SCNN1B: variants seen among roughly 807,000 people sequenced by gnomAD.
SCNN1B encodes sodium channel epithelial 1 subunit beta, also known as epithelial sodium channel subunit beta.
In SCNN1B, 46 loss-of-function variants were observed where a neutral mutation model predicts 65.3. That is an observed-to-expected ratio of 0.70 (90% confidence interval 0.56 to 0.90). The LOEUF (loss-of-function observed/expected upper bound fraction) is 0.90. Ranked by LOEUF, SCNN1B falls within the 40% of genes least tolerant of loss-of-function variation. The probability of loss-of-function intolerance (pLI) is 0.00; values close to 1 mark genes in which losing one functional copy is unlikely to be tolerated. For synonymous variants in SCNN1B, 349 were observed against 330.6 expected (o/e 1.06, Z -0.60); for missense variants, 751 against 830.5 (o/e 0.90, Z 1.18).
intron 2 of SCNN1B, among the ~76,000 whole-genome samples, chr16:23,349,779 TTCA>T (rs1962269734): frequency 6.6e-6 from 1 of 152,136 alleles, no homozygotes; most frequent in South Asian, 2.1e-4. Flanking sequence ...AAATATCGAA[TTCA>T]TCATCATTAT....
intron 1 of SCNN1B, among the ~76,000 whole-genome samples, chr16:23,328,008 C>T (rs1961732427): frequency 6.6e-6 from 1 of 152,188 alleles, no homozygotes; most frequent in Non-Finnish European, 1.5e-5. Context: ...GTGGAGAAAC[C>T]CACAGAACAA....
intron 1 of SCNN1B, among the ~76,000 whole-genome samples, chr16:23,323,051 C>T (rs989631496): frequency 2.6e-5 from 4 of 151,776 alleles, no homozygotes; most frequent in Admixed American, 1.3e-4. Flanking sequence ...AAAATTAGCT[C>T]GGCATCACCA....
rs139002320 is a variant in SCNN1B, at chr16:23,360,758, G to A, written c.776+5269G>A. ...TGACAGGCATGCACCACCACACCTG[G>A]CTAATTTTTGGTTTTTGGTTTTTGG... On this transcript the variant is annotated intron_variant, in intron 4 of 12. Coordinates refer to ENST00000343070, the MANE Select transcript of SCNN1B (RefSeq NM_000336.3). Among the ~76,000 whole-genome samples the A allele has an allele frequency of 4.1e-3, 625 of 151,730 alleles. 8 individuals are homozygous for A. Among genetic ancestry groups the A allele is most frequent in the African/African-American group, 0.015 (601 of 41,372 alleles).
intron 1 of SCNN1B, among the ~76,000 whole-genome samples, chr16:23,307,094 A>T (rs1461032533): frequency 6.6e-6 from 1 of 152,136 alleles, no homozygotes. Flanking sequence ...TTGGACACCA[A>T]ATCTGTCTGA....
chr16:23,380,614 C>T lies in SCNN1B; in HGVS notation c.1736C>T (p.Ala579Val). 6.2e-7 allele frequency: 1 copy of T among 1,613,896 alleles called. No individual in the cohort carries two copies. The highest frequency in any genetic ancestry group is 8.5e-7 in the Non-Finnish European group (1 of 1,179,924). The change falls in exon 13 of 13, where the codon GCC (alanine) becomes GTC (valine). Residue 579 changes from alanine (A) to valine (V), a missense_variant. Coordinates refer to ENST00000343070, the MANE Select transcript of SCNN1B (RefSeq NM_000336.3). This position sits in a 1 kb window ranked among gnomAD's most constrained non-coding sequence, Gnocchi z 5.4. ...TACGCTGGCCCACCGCCCACCGTGG[C>T]CGAGCTGGTGGAGGCCCACACCAAC... is the stretch of plus-strand genomic sequence containing the variant. ...ASYAGPPPTV[A>V]ELVEAHTNFG...
chr16:23,347,006 A>G (rs1403113856), intron 1 of SCNN1B, among the ~76,000 whole-genome samples: 1 of 152,164 alleles, frequency 6.6e-6, no homozygotes, highest in Non-Finnish European at 1.5e-5. Flanking sequence ...CTGAGAGTCA[A>G]AGCCAGAAAT....
intron 10 of SCNN1B, among the ~76,000 whole-genome samples, chr16:23,377,756 T>C (rs1962943430): frequency 9.9e-6 from 1 of 100,548 alleles, no homozygotes; most frequent in African/African-American, 3.5e-5. Flanking sequence ...CCTTCTTTCT[T>C]TCCTTCCTTC....
chr16:23,325,656 G>A (rs1395493722), intron 1 of SCNN1B, among the ~76,000 whole-genome samples: 3 of 151,892 alleles, frequency 2.0e-5, no homozygotes, highest in South Asian at 2.1e-4. Context: ...ATGCGCATCC[G>A]ATCTTAACTT....
intron 1 of SCNN1B, among the ~76,000 whole-genome samples, chr16:23,347,150 C>G (rs943648672): frequency 1.1e-4 from 16 of 152,144 alleles, no homozygotes; most frequent in Non-Finnish European, 1.5e-4. Flanking sequence ...TATTCTAAAC[C>G]ACCAGCCTTT....
At chr16:23,356,783 C>A (rs1259349448) in intron 4 of SCNN1B, among the ~76,000 whole-genome samples, 2 of 152,126 alleles carry the variant, frequency 1.3e-5, no homozygotes, top group Non-Finnish European at 2.9e-5. Flanking sequence ...CACAGATTCC[C>A]ACCTCCTTGG....
chr16:23,312,095 G>A (rs1961357059), intron 1 of SCNN1B, among the ~76,000 whole-genome samples: 1 of 152,108 alleles, frequency 6.6e-6, no homozygotes, highest in African/African-American at 2.4e-5. Flanking sequence ...TTTACCCCAG[G>A]CTGTCTGGGG....
rs72654342 is a variant in SCNN1B at position 23,371,912 on chromosome 16, C to T, written c.1152+29C>T. On this transcript the variant is annotated intron_variant, in intron 7 of 12. Coordinates refer to ENST00000343070, the MANE Select transcript of SCNN1B (RefSeq NM_000336.3). ...GGAAGGTGGTGCACGCCTCATGCCC[C>T]GGGGCCCCTGTCCGGGTTTATGGGG... 7.5e-4 allele frequency: 1,156 copies of T among 1,535,256 alleles called. 12 individuals carry two copies. Among genetic ancestry groups the T allele is most frequent in the Middle Eastern group, 6.8e-4 (4 of 5,910 alleles).
chr16:23,380,528 C>G lies in SCNN1B; in HGVS notation c.1650C>G (p.Ile550Met). Residue 550 changes from isoleucine (I) to methionine (M), a missense_variant, in exon 13 of 13, where the codon ATC becomes ATG. Ile to Met is a conservative substitution (Grantham distance 10, BLOSUM62 1). Coordinates refer to ENST00000343070, the MANE Select transcript of SCNN1B (RefSeq NM_000336.3). This position sits in a 1 kb window ranked among gnomAD's most constrained non-coding sequence, Gnocchi z 5.4. ...FGEIIIDFVWITIIKLVALAK... is the reference protein window; with the variant it reads ...FGEIIIDFVWMTIIKLVALAK... ...AGATCATCATCGACTTTGTGTGGAT[C>G]ACCATCATCAAGCTGGTGGCCTTGG... 6.2e-7 allele frequency: 1 copy of G among 1,614,248 alleles called. No individual in the cohort carries two copies. Among genetic ancestry groups the G allele is most frequent in the African/African-American group, 1.3e-5 (1 of 75,070 alleles).
intron 1 of SCNN1B, among the ~76,000 whole-genome samples, chr16:23,329,617 A>G (rs1442557422): frequency 6.6e-6 from 1 of 152,210 alleles, no homozygotes. Flanking sequence ...GATACCATGT[A>G]GCTTGTGCAG....
intron 1 of SCNN1B, among the ~76,000 whole-genome samples, chr16:23,305,004 G>A (rs138514438): frequency 6.6e-6 from 1 of 152,032 alleles, no homozygotes; most frequent in Admixed American, 6.6e-5. Flanking sequence ...GTGGGGGGAC[G>A]CAGGGGTGAT....
chr16:23,320,427 C>A (rs1161609955), intron 1 of SCNN1B, among the ~76,000 whole-genome samples: 2 of 152,168 alleles, frequency 1.3e-5, no homozygotes, highest in South Asian at 2.1e-4. Context: ...GCCCCGCAGT[C>A]CACACAAGGT....
Position 23,348,913 on chromosome 16 carries a change from A to T in SCNN1B, c.311+3A>T. ...ATCTGCAATGCTAGCCCCTTCAAGT[A>T]GGTGGCCCCGGAGTGCACAGCTGGC... is the stretch of plus-strand genomic sequence containing the variant. On this transcript the variant is annotated splice_donor_region_variant and intron_variant, in intron 2 of 12. Coordinates refer to ENST00000343070, the MANE Select transcript of SCNN1B (RefSeq NM_000336.3). The surrounding 1 kb of genome is among the most constrained non-coding windows in gnomAD (Gnocchi z 4.5). The T allele has an allele frequency of 6.2e-7, 1 of 1,614,032 alleles. No homozygotes were observed. Among genetic ancestry groups the T allele is most frequent in the Non-Finnish European group, 8.5e-7 (1 of 1,179,922 alleles).
Position 23,380,513 on chromosome 16 carries a change from C to T in SCNN1B, c.1635C>T (p.Ile545=), listed in dbSNP as rs139050851. Residue 545 remains isoleucine, a synonymous_variant, in exon 13 of 13, where the codon ATC becomes ATT. Transcript: ENST00000343070. This position sits in a 1 kb window ranked among gnomAD's most constrained non-coding sequence, Gnocchi z 5.4. ...LCLIEFGEII[I]DFVWITIIKL... ...TCATCGAGTTTGGGGAGATCATCAT[C>T]GACTTTGTGTGGATCACCATCATCA... 3.8e-5 allele frequency: 62 copies of T among 1,614,118 alleles called. No homozygotes were observed. Among genetic ancestry groups the T allele is most frequent in the South Asian group, 3.1e-4 (28 of 91,090 alleles).
chr16:23,316,754 C>A (rs539966112), intron 1 of SCNN1B, among the ~76,000 whole-genome samples: 2,248 of 144,728 alleles, frequency 0.016, 55 homozygotes, highest in African/African-American at 0.049. Context: ...TGTCACCATC[C>A]TCACCATCAT....
Sources: gnomAD v4.1 joint callset for allele counts (sites outside exome capture counted in the v4.1 genomes callset) on GRCh38, gnomAD v4.1.1 for gene constraint, Gnocchi (gnomAD v3.1) non-coding constraint, MANE v1.5 for transcripts, NCBI Gene and HGNC (gene_info 2026-07-23, HGNC 2026-07-21) for gene names.